Variants in RBFOX3 observed in about 807,000 individuals in gnomAD.
The protein encoded by RBFOX3 is RNA binding protein fox-1 homolog 3.
RBFOX3 carries 17 observed loss-of-function variants against 48.7 expected under a neutral mutation model. That is an observed-to-expected ratio of 0.35 (90% CI 0.24 to 0.52). RBFOX3 has a LOEUF of 0.52. Ranked by LOEUF, RBFOX3 falls within the 20% of genes least tolerant of loss-of-function variation. The pLI is 0.94. For synonymous variants in RBFOX3, 212 were observed against 209.5 expected, an observed-to-expected ratio of 1.01 and a Z score of -0.10; for missense variants, 382 against 497.5, an observed-to-expected ratio of 0.77 and a Z score of 2.21.
At position 79,481,803 on chromosome 17, in the gene RBFOX3, C is replaced by G. The variant is rs2078818514; in HGVS notation, c.-175+651G>C. ...TTTTTTGTTGCTGTCGTTCTGTGAA[C>G]TGTAGCAAATTATCAAAACTGAGGG... On this transcript the variant is annotated intron_variant, in intron 2 of 14. Transcript: ENST00000693108. This position sits in a 1 kb window ranked among gnomAD's most constrained non-coding sequence, Gnocchi z 5.4. Among the ~76,000 whole-genome samples the G allele has an allele frequency of 6.6e-6, 1 of 152,204 alleles. No individual in the cohort carries two copies. The highest frequency in any genetic ancestry group is 2.4e-5 in the African/African-American group (1 of 41,442).
intron 1 of RBFOX3, among the ~76,000 whole-genome samples, chr17:79,548,895 A>G (rs2090840563): frequency 6.6e-6 from 1 of 152,266 alleles, no homozygotes; most frequent in African/African-American, 2.4e-5. Flanking sequence ...AGCAAGTGCC[A>G]TCACTCCCTC....
chr17:79,394,556 T>C (rs976158353), intron 2 of RBFOX3, among the ~76,000 whole-genome samples: 1 of 152,168 alleles, frequency 6.6e-6, no homozygotes, highest in Admixed American at 6.5e-5. Context: ...GACAGGAGGC[T>C]GACAGTCAAG....
At chr17:79,575,028 C>T in intron 1 of RBFOX3, among the ~76,000 whole-genome samples, 1 of 152,256 alleles carries the variant, frequency 6.6e-6, no homozygotes, top group Non-Finnish European at 1.5e-5. Context: ...TGAGTGCATA[C>T]TGGAACCAGC....
At chr17:79,461,497 T>C (rs2075362382) in intron 2 of RBFOX3, among the ~76,000 whole-genome samples, 1 of 152,226 alleles carries the variant, frequency 6.6e-6, no homozygotes, top group African/African-American at 2.4e-5. Context: ...AACTATACCA[T>C]TTTAACAATT....
At chr17:79,158,159 C>T (rs1164658748) in intron 4 of RBFOX3, among the ~76,000 whole-genome samples, 4 of 152,302 alleles carry the variant, frequency 2.6e-5, no homozygotes, top group South Asian at 2.1e-4. Flanking sequence ...CACAGGGCAA[C>T]GACAGCCATC....
At chr17:79,608,831 G>T (rs1408457468) in intron 1 of RBFOX3, among the ~76,000 whole-genome samples, 1 of 152,074 alleles carries the variant, frequency 6.6e-6, no homozygotes, top group Non-Finnish European at 1.5e-5. Flanking sequence ...GGGCGGGGGG[G>T]CCAGCCTCGG....
At chr17:79,140,855 T>A (rs954981224) in intron 4 of RBFOX3, among the ~76,000 whole-genome samples, 1 of 152,186 alleles carries the variant, frequency 6.6e-6, no homozygotes, top group Non-Finnish European at 1.5e-5. Flanking sequence ...GAAGTAGAGA[T>A]ATTTGGGAAA....
At chr17:79,345,772 G>C (rs1486599186) in intron 2 of RBFOX3, among the ~76,000 whole-genome samples, 1 of 152,018 alleles carries the variant, frequency 6.6e-6, no homozygotes, top group African/African-American at 2.4e-5. Flanking sequence ...ACTTCTTAAA[G>C]ACTTCACTTT....
In RBFOX3 at chr17:79,220,995, G is replaced by A. The variant is rs934233560; in HGVS notation, c.-34+14771C>T. ...TCTGTCCTGCCTCAGCGTTTTCCAG[G>A]ACACCCCATCCATGAGGGACTCCGA... On this transcript the variant is annotated intron_variant, in intron 4 of 14. Transcript: ENST00000693108. The surrounding 1 kb of genome is among the most constrained non-coding windows in gnomAD (Gnocchi z 5.9). Among the ~76,000 whole-genome samples, 10 of 152,300 alleles carry A rather than the reference G, an allele frequency of 6.6e-5. No homozygotes were observed. The highest frequency in any genetic ancestry group is 2.2e-4 in the African/African-American group (9 of 41,572).
chr17:79,580,644 T>C (rs1242848474), intron 1 of RBFOX3, among the ~76,000 whole-genome samples: 2 of 152,126 alleles, frequency 1.3e-5, no homozygotes, highest in Admixed American at 1.3e-4. Flanking sequence ...AGAGCAAAGT[T>C]TTTTTTGCTC....
chr17:79,623,823 T>TAAAA, the RBFOX3 span, among the ~76,000 whole-genome samples: 4 of 106,026 alleles, frequency 3.8e-5, no homozygotes, highest in South Asian at 2.8e-4. Flanking sequence ...ACTCTGTCTC[T>TAAAA]AAAAAAAAAA....
intron 4 of RBFOX3, chr17:79,136,434 G>A (rs2707043): frequency 0.98 from 148,754 of 152,552 alleles, 72,615 homozygotes; most frequent in East Asian, 1. Flanking sequence ...GAAGGAGGAC[G>A]TGCCTGGCCC....
intron 4 of RBFOX3, among the ~76,000 whole-genome samples, chr17:79,211,382 GAGCTGCTGACAAGCCAC>G (rs1465030279): frequency 1.3e-5 from 2 of 152,218 alleles, no homozygotes; most frequent in Non-Finnish European, 2.9e-5. Flanking sequence ...TTCCAGATCC[GAGCTGCTGACAAGCCAC>G]AGCAGGCAGG....
chr17:79,219,391 T>A (rs906095180), intron 4 of RBFOX3, among the ~76,000 whole-genome samples: 10 of 152,220 alleles, frequency 6.6e-5, no homozygotes, highest in Admixed American at 6.5e-4. Context: ...AGTGTGTGCA[T>A]GTGCGTGCGC....
intron 3 of RBFOX3, among the ~76,000 whole-genome samples, chr17:79,259,864 GC>G (rs2065468752): frequency 6.6e-6 from 1 of 152,090 alleles, no homozygotes. Context: ...CCCTGAAGAG[GC>G]CCGTCTGAGC....
At position 79,471,013 on chromosome 17, in the gene RBFOX3, C is replaced by T. The variant is rs1444694981; in HGVS notation, c.-175+11441G>A. Among the ~76,000 whole-genome samples, 2 of 148,084 alleles carry T rather than the reference C, an allele frequency of 1.4e-5. No individual in the cohort carries two copies. The highest frequency in any genetic ancestry group is 5.3e-5 in the African/African-American group (2 of 37,472). On this transcript the variant is annotated intron_variant, in intron 2 of 14. Coordinates refer to ENST00000693108, the MANE Select transcript of RBFOX3 (RefSeq NM_001350451.2). This position sits in a 1 kb window ranked among gnomAD's most constrained non-coding sequence, Gnocchi z 4.0. ...GTTCTAGCTCTGTGATGCACCACCACGAAAAAAATAACAGCAGAACCAGCC... is the reference window on the plus strand; with the variant it reads ...GTTCTAGCTCTGTGATGCACCACCATGAAAAAAATAACAGCAGAACCAGCC...
intron 4 of RBFOX3, among the ~76,000 whole-genome samples, chr17:79,118,230 C>G (rs1280124097): frequency 6.6e-6 from 1 of 152,184 alleles, no homozygotes; most frequent in East Asian, 1.9e-4. Flanking sequence ...TCCACAAAGC[C>G]AGCTGGCTCC....
intron 4 of RBFOX3, among the ~76,000 whole-genome samples, chr17:79,145,055 G>C (rs1262408116): frequency 6.6e-6 from 1 of 152,168 alleles, no homozygotes; most frequent in South Asian, 2.1e-4. Context: ...GCAGCAAGGT[G>C]GGGGCGGGAC....
intron 1 of RBFOX3, among the ~76,000 whole-genome samples, chr17:79,550,766 T>C (rs1428230512): frequency 2.0e-5 from 3 of 152,056 alleles, no homozygotes; most frequent in East Asian, 1.9e-4. Flanking sequence ...GCTGTGTGGA[T>C]GAATGCGTGG....
Sources: allele counts gnomAD v4.1 joint callset (sites outside exome capture counted in the v4.1 genomes callset), GRCh38; gene constraint gnomAD v4.1.1; non-coding constraint Gnocchi (gnomAD v3.1); transcripts MANE v1.5; gene names NCBI Gene and HGNC (gene_info 2026-07-23, HGNC 2026-07-21).